Variants in PDE1A observed in about 807,000 individuals in gnomAD.
PDE1A encodes dual specificity calcium/calmodulin-dependent 3',5'-cyclic nucleotide phosphodiesterase 1A.
Under a neutral mutation model 61.7 loss-of-function variants are expected in PDE1A, and 35 were observed. The observed-to-expected ratio is 0.57, with a 90% CI of 0.43 to 0.75. The LOEUF (loss-of-function observed/expected upper bound fraction) is 0.75, where lower values mean the gene tolerates loss of function less well. Ranked by LOEUF, PDE1A falls within the 30% of genes least tolerant of loss-of-function variation. The pLI is 0.00. For synonymous variants in PDE1A, 232 were observed against 213.2 expected (o/e 1.09, Z -0.77); for missense variants, 597 against 630.6 (o/e 0.95, Z 0.57).
chr2:182,261,797 T>C (rs953661814), intron 2 of PDE1A, among the ~76,000 whole-genome samples: 3 of 152,170 alleles, frequency 2.0e-5, no homozygotes, highest in Admixed American at 6.5e-5. Context: ...TAATAATCTA[T>C]TAAATGACAG....
intron 1 of PDE1A, among the ~76,000 whole-genome samples, chr2:182,401,971 T>G (rs879183023): frequency 6.6e-6 from 1 of 152,070 alleles, no homozygotes; most frequent in Non-Finnish European, 1.5e-5. Context: ...TTACAAGGGA[T>G]GAGAAGGACC....
chr2:182,549,609 A>ACTAT, the PDE1A span, among the ~76,000 whole-genome samples: 1 of 152,142 alleles, frequency 6.6e-6, no homozygotes, highest in African/African-American at 2.4e-5. Context: ...ATTTTGTTAC[A>ACTAT]AATCATTCAC....
At chr2:182,697,165 C>T in the PDE1A span, among the ~76,000 whole-genome samples, 7 of 152,206 alleles carry the variant, frequency 4.6e-5, no homozygotes, top group African/African-American at 1.7e-4. Context: ...TGCAGAAAGC[C>T]TGTACTAAAA....
chr2:182,584,423 C>G, the PDE1A span, among the ~76,000 whole-genome samples: 1 of 152,248 alleles, frequency 6.6e-6, no homozygotes, highest in Non-Finnish European at 1.5e-5. Context: ...TCTAGCTCTA[C>G]CGCTGACTAT....
the PDE1A span, among the ~76,000 whole-genome samples, chr2:182,628,485 T>C: frequency 7.2e-5 from 11 of 152,178 alleles, no homozygotes; most frequent in Non-Finnish European, 1.3e-4. Context: ...CATGTTAGAA[T>C]GGATGAAATA....
At position 182,169,804 on chromosome 2, in the gene PDE1A, C is replaced by T. The variant is rs150492200; in HGVS notation, c.1517-1514G>A. Among the ~76,000 whole-genome samples the T allele has an allele frequency of 4.9e-3, 749 of 151,914 alleles. 23 individuals carry two copies. The highest frequency in any genetic ancestry group is 0.043 in the Admixed American group (650 of 15,218). ...GGGAAAACATTTTATCATCACCAAG[C>T]CAGCTAATAATCTCTATGGGAATGC... On this transcript the variant is annotated intron_variant, in intron 13 of 13. Coordinates refer to ENST00000351439, the Ensembl canonical transcript of PDE1A.
At chr2:182,568,235 T>C in the PDE1A span, among the ~76,000 whole-genome samples, 1 of 152,220 alleles carries the variant, frequency 6.6e-6, no homozygotes, top group Non-Finnish European at 1.5e-5. Context: ...TAACGAGTTA[T>C]TAAACTAAAG....
rs781233004 is a variant in PDE1A at position 182,201,672 on chromosome 2, A to T, written c.1004+16T>A. On this transcript the variant is annotated intron_variant, in intron 9 of 13. Transcript: ENST00000351439. ...TGACAAAAAAAAAAAAACAACAAAA[A>T]AAACACAAAACCTACCCTTCAGGCT... The T allele has an allele frequency of 2.6e-6, 4 of 1,559,462 alleles. No individual in the cohort carries two copies. The highest frequency in any genetic ancestry group is 3.5e-6 in the Non-Finnish European group (4 of 1,155,382).
At chr2:182,281,272 G>C (rs1486851121) in intron 1 of PDE1A, among the ~76,000 whole-genome samples, 2 of 151,778 alleles carry the variant, frequency 1.3e-5, no homozygotes, top group African/African-American at 4.8e-5. Flanking sequence ...CACGGATGCT[G>C]GTTTTCTACT....
At chr2:182,376,552 G>A (rs182755027) in intron 1 of PDE1A, among the ~76,000 whole-genome samples, 1,901 of 152,238 alleles carry the variant, frequency 0.012, 24 homozygotes, top group South Asian at 0.048. Flanking sequence ...AGTCTCTGGG[G>A]ACTTCCAAAC....
rs181194584 is a variant in PDE1A at position 182,505,154 on chromosome 2, C to T, written c.101+17122G>A. 1.2e-4 allele frequency among the ~76,000 whole-genome samples: 19 copies of T among 152,302 alleles called. No individual in the cohort carries two copies. The East Asian group carries it at 3.7e-3, about 29-fold the overall frequency. ...CTCCAGGCTGCAAGGCCACATGAGG[C>T]CAGAATGTTCACTAATCACTGAAAG... On this transcript the variant is annotated intron_variant, in intron 2 of 14. Transcript: ENST00000410103.
intron 2 of PDE1A, among the ~76,000 whole-genome samples, chr2:182,252,640 C>T (rs1420193631): frequency 6.6e-6 from 1 of 152,176 alleles, no homozygotes; most frequent in Non-Finnish European, 1.5e-5. Flanking sequence ...ACCTCTAATC[C>T]AAGACAAACT....
chr2:182,711,040 C>G, the PDE1A span, among the ~76,000 whole-genome samples: 1 of 152,140 alleles, frequency 6.6e-6, no homozygotes, highest in Non-Finnish European at 1.5e-5. Flanking sequence ...ATACCAAAGC[C>G]ATGAGAAGAG....
chr2:182,703,885 A>G, the PDE1A span, among the ~76,000 whole-genome samples: 5 of 152,124 alleles, frequency 3.3e-5, no homozygotes, highest in Non-Finnish European at 7.4e-5. Context: ...GGAATGTGAA[A>G]TTATAGGATA....
chr2:182,508,148 C>A (rs1574825817), intron 2 of PDE1A, among the ~76,000 whole-genome samples: 1 of 148,166 alleles, frequency 6.7e-6, no homozygotes. Flanking sequence ...ATGATTATCT[C>A]AATAGATTCA....
chr2:182,284,268 T>C (rs1694015329), intron 1 of PDE1A, among the ~76,000 whole-genome samples: 2 of 152,172 alleles, frequency 1.3e-5, no homozygotes, highest in African/African-American at 2.4e-5. Context: ...TTTTGGTAAA[T>C]TGACTTAGCT....
chr2:182,488,366 ACT>A (rs1181845341), intron 2 of PDE1A, among the ~76,000 whole-genome samples: 1 of 152,192 alleles, frequency 6.6e-6, no homozygotes, highest in Non-Finnish European at 1.5e-5. Flanking sequence ...TTCTGAATAC[ACT>A]GACTCAAGAT....
At chr2:182,241,951 C>G in intron 2 of PDE1A, 1 of 1,504,304 alleles carries the variant, frequency 6.6e-7, no homozygotes, top group Non-Finnish European at 8.8e-7. Flanking sequence ...CAGCAAGTCA[C>G]TAAACTTCAT....
chr2:182,281,128 T>C (rs1693775157), intron 1 of PDE1A, among the ~76,000 whole-genome samples: 1 of 151,986 alleles, frequency 6.6e-6, no homozygotes, highest in Non-Finnish European at 1.5e-5. Flanking sequence ...TCAAGTTTGA[T>C]CTAGATCTCA....
Sources: gnomAD v4.1 joint callset for allele counts (sites outside exome capture counted in the v4.1 genomes callset) on GRCh38, gnomAD v4.1.1 for gene constraint, MANE v1.5 for transcripts, NCBI Gene and HGNC (gene_info 2026-07-23, HGNC 2026-07-21) for gene names.